ANKRD26: variants seen among roughly 807,000 people sequenced by gnomAD.
ANKRD26 encodes ankyrin repeat domain 26, also known as ankyrin repeat domain-containing protein 26.
In ANKRD26, 141 loss-of-function variants were observed where a neutral mutation model predicts 208.7. The observed-to-expected ratio is 0.68, with a 90% confidence interval of 0.59 to 0.78. The LOEUF is 0.78. ANKRD26 is among the 30% of genes least tolerant of loss of function. The pLI, the probability that ANKRD26 is intolerant of heterozygous loss-of-function variation, is 0.00. For synonymous variants in ANKRD26, 636 were observed against 660.4 expected (o/e 0.96, Z 0.57); for missense variants, 1,889 against 1,938.7 (o/e 0.97, Z 0.48).
downstream of ANKRD26, among the ~76,000 whole-genome samples, chr10:26,968,819 T>G (rs2052105367): frequency 6.6e-6 from 1 of 152,238 alleles, no homozygotes; most frequent in Non-Finnish European, 1.5e-5. Flanking sequence ...AAAACAACTA[T>G]TGCTGTAATA....
At chr10:27,013,505 G>T (rs980712838) in intron 31 of ANKRD26, among the ~76,000 whole-genome samples, 21 of 152,052 alleles carry the variant, frequency 1.4e-4, no homozygotes, top group African/African-American at 4.3e-4. Flanking sequence ...ATGTTAATTT[G>T]CTTGACTATA....
chr10:27,079,289 T>C, intron 6 of ANKRD26, 128 bp from the exon 7 acceptor site: 1 of 726,396 alleles, frequency 1.4e-6, no homozygotes. Context: ...GTCAACTGTC[T>C]GCATATTAAA....
intron 6 of ANKRD26, among the ~76,000 whole-genome samples, chr10:27,081,283 A>G (rs1243608416): frequency 1.3e-5 from 2 of 152,078 alleles, no homozygotes; most frequent in African/African-American, 4.8e-5. Context: ...AAAAACCCCA[A>G]TATTCTGATC....
chr10:26,989,262 C>T (rs1360349326), downstream of ANKRD26, among the ~76,000 whole-genome samples: 5 of 152,116 alleles, frequency 3.3e-5, no homozygotes, highest in Non-Finnish European at 7.4e-5. Context: ...AGTTCCCTGC[C>T]TTTTATTCCA....
the ANKRD26 span, among the ~76,000 whole-genome samples, chr10:26,956,023 A>AG: frequency 6.6e-6 from 1 of 152,174 alleles, no homozygotes. Context: ...ATAAATGACT[A>AG]TCTGTGTTTA....
At chr10:26,984,913 A>G (rs549799721) in intron 3 of ANKRD26, among the ~76,000 whole-genome samples, 17 of 152,294 alleles carry the variant, frequency 1.1e-4, no homozygotes, top group Admixed American at 9.2e-4. Flanking sequence ...GCACAACGGA[A>G]ATGTTGAAGT....
At position 27,022,660 on chromosome 10, in the gene ANKRD26, T is replaced by C. The variant is rs1200798954; in HGVS notation, c.4113A>G (p.Arg1371=). 5 of 1,587,404 alleles carry C rather than the reference T, an allele frequency of 3.1e-6. No homozygotes were observed. In the East Asian group the frequency reaches 1.1e-4, roughly 36 times the overall value. ...TGFKNLLKMT[R]KKLNEYENGE... is the part of the protein sequence containing the mutation. ...CATTTTCATATTCATTTAACTTCTT[T>C]CTTGTCATTTTTAAGAGGTTCTTAA... The change falls in exon 29 of 34, where the codon AGA becomes AGG. Residue 1371 remains arginine, a synonymous_variant. Coordinates refer to ENST00000376087, the MANE Select transcript of ANKRD26 (RefSeq NM_014915.3).
At chr10:27,051,229 C>T (rs761510451) in intron 16 of ANKRD26, 1 of 1,289,788 alleles carries the variant, frequency 7.8e-7, no homozygotes, top group South Asian at 1.2e-5. Context: ...AATTCAGGTT[C>T]CATGCTTTTA....
chr10:26,959,157 T>C, the ANKRD26 span, among the ~76,000 whole-genome samples: 1 of 151,880 alleles, frequency 6.6e-6, no homozygotes, highest in African/African-American at 2.4e-5. Flanking sequence ...CAGGCACCTA[T>C]AGTCCCAGCT....
chr10:27,003,289 C>T (rs2052766225), downstream of ANKRD26, among the ~76,000 whole-genome samples: 1 of 152,146 alleles, frequency 6.6e-6, no homozygotes, highest in South Asian at 2.1e-4. Flanking sequence ...TACTACTGGC[C>T]AAGTCCAGGG....
At chr10:27,089,059 C>A (rs997186339) in intron 4 of ANKRD26, among the ~76,000 whole-genome samples, 1 of 152,186 alleles carries the variant, frequency 6.6e-6, no homozygotes, top group Non-Finnish European at 1.5e-5. Context: ...AAAGTCCTAA[C>A]TTTGAAGTCT....
At chr10:26,960,985 G>A in the ANKRD26 span, among the ~76,000 whole-genome samples, 1 of 150,522 alleles carries the variant, frequency 6.6e-6, no homozygotes, top group Non-Finnish European at 1.5e-5. Flanking sequence ...TTGGGAGGCT[G>A]AGACGGGCAG....
intron 5 of ANKRD26, among the ~76,000 whole-genome samples, chr10:26,979,798 T>C (rs1436758133): frequency 6.6e-6 from 1 of 152,200 alleles, no homozygotes; most frequent in East Asian, 1.9e-4. Flanking sequence ...GTTTAAGGTG[T>C]CTTGGTCTTT....
At position 27,043,483 on chromosome 10, in the gene ANKRD26, G is replaced by C; in HGVS notation, c.2104C>G (p.His702Asp). The change falls in exon 20 of 34, where the codon CAC becomes GAC. Residue 702 changes from histidine to aspartate, a missense_variant. Physicochemically the swap from His to Asp is moderately conservative, Grantham distance 81. This residue lies in a region of ANKRD26 where 1,272 missense variants were observed against 1,273.8 expected (regional missense o/e 1.00). Transcript: ENST00000376087. The stretch of plus-strand genomic sequence containing the variant: ...AACATAAAATTCTTGTAACTAGAGT[G>C]GGGTAGCTCACAATCCTCTGAGGCT... The part of the protein sequence containing the change: ...ETASEDCELP[H>D]SSYKNFMLLI... The C allele has an allele frequency of 1.2e-6, 2 of 1,613,932 alleles. No individual in the cohort carries two copies. The highest frequency in any genetic ancestry group is 1.3e-5 in the African/African-American group (1 of 75,056).
At chr10:27,082,010 A>G (rs1207198057) in intron 6 of ANKRD26, among the ~76,000 whole-genome samples, 2 of 149,752 alleles carry the variant, frequency 1.3e-5, no homozygotes, top group Non-Finnish European at 3.0e-5. Flanking sequence ...TGCTGGGATT[A>G]CAGTTGTGAG....
intron 18 of ANKRD26, among the ~76,000 whole-genome samples, chr10:27,044,930 A>C (rs2054388300): frequency 6.6e-6 from 1 of 152,244 alleles, no homozygotes; most frequent in South Asian, 2.1e-4. Context: ...ATATGATAGC[A>C]GATGAATCTA....
chr10:27,070,588 G>C (rs937585112), intron 9 of ANKRD26, among the ~76,000 whole-genome samples: 1 of 152,074 alleles, frequency 6.6e-6, no homozygotes, highest in Non-Finnish European at 1.5e-5. Flanking sequence ...GAATACTAAA[G>C]TTAACAAAGC....
At chr10:26,995,936 C>A (rs1001061110) in intron 4 of ANKRD26, among the ~76,000 whole-genome samples, 4 of 152,138 alleles carry the variant, frequency 2.6e-5, no homozygotes, top group Non-Finnish European at 5.9e-5. Flanking sequence ...ACTTTCTGTG[C>A]ACCCTTTAGG....
In ANKRD26 at chr10:27,007,022, A is replaced by T. The variant is rs981088514; in HGVS notation, c.4954-60T>A. ...GTTAGACAAGAGACATTAACATAGAAATGATGTATCACTTACAAAATGTGG... is the reference window on the plus strand; with the variant it reads ...GTTAGACAAGAGACATTAACATAGATATGATGTATCACTTACAAAATGTGG... On this transcript the variant is annotated intron_variant, in intron 32 of 33. Transcript: ENST00000376087. 7.8e-6 allele frequency: 10 copies of T among 1,274,638 alleles called. No homozygotes were observed. In the East Asian group the frequency reaches 1.6e-4, roughly 21 times the overall value. The allele number at this position is 1,274,638 out of a possible 1,614,324, so 79.0% of individuals were successfully genotyped here. A position where few individuals can be genotyped will look rare whatever the true frequency, so the allele number is the denominator to read the frequency against.
Sources: gnomAD v4.1 joint callset for allele counts (sites outside exome capture counted in the v4.1 genomes callset) on GRCh38, gnomAD v4.1.1 for gene constraint, gnomAD v4.1.1 regional missense constraint, MANE v1.5 for transcripts, NCBI Gene and HGNC (gene_info 2026-07-23, HGNC 2026-07-21) for gene names.